The following RABGEF1 variants were observed in gnomAD, a reference collection of about 807,000 sequenced individuals.
RABGEF1 encodes rab5 GDP/GTP exchange factor.
RABGEF1 carries 26 observed loss-of-function variants against 57.3 expected under a neutral mutation model. The ratio of observed to expected loss-of-function variants is 0.45; its 90% CI spans 0.33 to 0.63. The LOEUF is 0.63. Ranked by LOEUF, RABGEF1 falls within the 20% of genes least tolerant of loss-of-function variation. The pLI is 0.02. For synonymous variants in RABGEF1, 185 were observed against 210.7 expected (o/e 0.88, Z 1.06); for missense variants, 464 against 607.6 (o/e 0.76, Z 2.48).
chr7:66,782,509 C>T (rs1397182030), intron 3 of RABGEF1, among the ~76,000 whole-genome samples: 2 of 151,060 alleles, frequency 1.3e-5, no homozygotes, highest in East Asian at 3.9e-4. Flanking sequence ...TTCTTTCGCC[C>T]AGGCTGTGGA....
intron 1 of RABGEF1, among the ~76,000 whole-genome samples, chr7:66,758,508 GAT>G (rs1415542473): frequency 6.6e-5 from 10 of 152,224 alleles, no homozygotes; most frequent in Non-Finnish European, 1.2e-4. Flanking sequence ...CAACAGGAGC[GAT>G]GTGTGGCCCC....
chr7:66,658,533 CAAAAAAA>C, the RABGEF1 span, among the ~76,000 whole-genome samples: 6 of 75,562 alleles, frequency 7.9e-5, no homozygotes, highest in East Asian at 6.8e-4. Flanking sequence ...ACTTCGTCTC[CAAAAAAA>C]AAAAAAAAAA....
intron 1 of RABGEF1, among the ~76,000 whole-genome samples, chr7:66,688,187 A>G (rs1790991660): frequency 6.6e-6 from 1 of 152,186 alleles, no homozygotes; most frequent in South Asian, 2.1e-4. Flanking sequence ...AGACAAGGGA[A>G]TTCTATACTG....
chr7:66,797,345 T>C (rs749913944), intron 5 of RABGEF1, 29 bp from the exon 6 acceptor site: 1 of 1,570,164 alleles, frequency 6.4e-7, no homozygotes. Flanking sequence ...TATATATATC[T>C]TGATCTTTTC....
At chr7:66,682,696 C>A (rs1399443902) in intron 1 of RABGEF1, among the ~76,000 whole-genome samples, 1 of 33,346 alleles carries the variant, frequency 3.0e-5, no homozygotes, top group African/African-American at 1.4e-4. Context: ...CAGACCACAG[C>A]CCCCGGCCGC....
At chr7:66,767,039 GTTGCC>G (rs1211688716) in intron 1 of RABGEF1, among the ~76,000 whole-genome samples, 8 of 125,472 alleles carry the variant, frequency 6.4e-5, no homozygotes, top group African/African-American at 2.4e-4. Context: ...GTCTCCCTCT[GTTGCC>G]CAGGCTGGAG....
intron 1 of RABGEF1, among the ~76,000 whole-genome samples, chr7:66,759,506 G>A (rs1803684127): frequency 6.6e-6 from 1 of 152,134 alleles, no homozygotes; most frequent in East Asian, 1.9e-4. Flanking sequence ...TCATTCTCAC[G>A]TAGTTATAAA....
intron 1 of RABGEF1, among the ~76,000 whole-genome samples, chr7:66,759,660 A>G (rs1803735828): frequency 6.6e-6 from 1 of 152,170 alleles, no homozygotes; most frequent in Non-Finnish European, 1.5e-5. Flanking sequence ...AAGGGGGAGC[A>G]AAGTGTCTCC....
chr7:66,694,647 C>T (rs1792056888), intron 1 of RABGEF1, among the ~76,000 whole-genome samples: 1 of 152,102 alleles, frequency 6.6e-6, no homozygotes, highest in South Asian at 2.1e-4. Context: ...CACGATACCC[C>T]GGCCAAATAG....
chr7:66,661,376 A>G, the RABGEF1 span, among the ~76,000 whole-genome samples: 1 of 152,048 alleles, frequency 6.6e-6, no homozygotes, highest in Non-Finnish European at 1.5e-5. Context: ...TACTATAAAC[A>G]TAGGTACACT....
chr7:66,709,930 AAC>A (rs1794583632), intron 1 of RABGEF1, among the ~76,000 whole-genome samples: 1 of 152,252 alleles, frequency 6.6e-6, no homozygotes, highest in African/African-American at 2.4e-5. Context: ...AACATTAATT[AAC>A]ACAGTCATGA....
upstream of RABGEF1, among the ~76,000 whole-genome samples, chr7:66,681,168 G>C (rs193277392): frequency 6.6e-6 from 1 of 152,262 alleles, no homozygotes; most frequent in South Asian, 2.1e-4. Flanking sequence ...TCCAACCCAG[G>C]TCTATCTAAG....
In RABGEF1 at chr7:66,761,041, A is replaced by G. The variant is rs568527138; in HGVS notation, c.-17-10842A>G. ...TATTCATTTAGTTTTTCTTCTTTCA[A>G]CAAAGAATTGAGAACCTGTGATATG... On this transcript the variant is annotated intron_variant, in intron 1 of 8. Transcript: ENST00000284957. Among the ~76,000 whole-genome samples the G allele has an allele frequency of 4.6e-5, 7 of 152,278 alleles. No individual in the cohort carries two copies. In the East Asian group the frequency reaches 7.7e-4, roughly 17 times the overall value.
Position 66,772,010 on chromosome 7 carries a change from G to A in RABGEF1, c.111G>A (p.Lys37=), listed in dbSNP as rs752600117. ...CTGCCTGGCAGGGTTTCTGCTCCAA[G>A]TGCTGGAGGGAAGAGTACCACAAAG... ...GNPAWQGFCS[K]CWREEYHKAR... The change falls in exon 2 of 9, where the codon AAG becomes AAA. Residue 37 remains lysine, a synonymous_variant. Coordinates refer to ENST00000284957, the MANE Select transcript of RABGEF1 (RefSeq NM_014504.3). 1.9e-6 allele frequency: 3 copies of A among 1,598,250 alleles called. No individual in the cohort carries two copies. The highest frequency in any genetic ancestry group is 2.3e-5 in the East Asian group (1 of 43,454).
chr7:66,663,851 A>G, the RABGEF1 span, among the ~76,000 whole-genome samples: 4 of 152,144 alleles, frequency 2.6e-5, no homozygotes, highest in African/African-American at 7.2e-5. Flanking sequence ...AGGTGAGTGG[A>G]TCACCTAAGG....
intron 1 of RABGEF1, among the ~76,000 whole-genome samples, chr7:66,752,195 TA>T (rs374011194): frequency 0.11 from 15,650 of 145,472 alleles, 881 homozygotes; most frequent in Non-Finnish European, 0.12. Context: ...CTGTCCCAAT[TA>T]AAAAAAAAAA....
At chr7:66,796,642 G>T (rs1785991235) in intron 5 of RABGEF1, 1 of 233,482 alleles carries the variant, frequency 4.3e-6, no homozygotes, top group Non-Finnish European at 8.7e-6. Flanking sequence ...GTCCAAGCTG[G>T]AGTACAGTGG....
chr7:66,664,077 G>GAAAAA, the RABGEF1 span, among the ~76,000 whole-genome samples: 1 of 77,874 alleles, frequency 1.3e-5, no homozygotes, highest in East Asian at 3.3e-4. Context: ...GTCTCAAAAA[G>GAAAAA]AAAAAAAAAA....
intron 1 of RABGEF1, among the ~76,000 whole-genome samples, chr7:66,755,228 A>G (rs1182604394): frequency 6.6e-6 from 1 of 152,182 alleles, no homozygotes; most frequent in East Asian, 1.9e-4. Flanking sequence ...TGGGAGGCGG[A>G]GCTTGCAGTG....
Sources: allele counts gnomAD v4.1 joint callset (sites outside exome capture counted in the v4.1 genomes callset), GRCh38; gene constraint gnomAD v4.1.1; transcripts MANE v1.5; gene names NCBI Gene and HGNC (gene_info 2026-07-23, HGNC 2026-07-21).